The following GK variants were observed in gnomAD, a reference collection of about 807,000 sequenced individuals.
GK encodes the protein glycerol kinase, also known as ATP:glycerol 3-phosphotransferase.
A neutral mutation model predicts 56.4 loss-of-function variants in GK; 9 were observed. The ratio of observed to expected loss-of-function variants is 0.16; its 90% CI spans 0.10 to 0.28. GK has a LOEUF of 0.28. Ranked by LOEUF, GK falls within the 10% of genes least tolerant of loss-of-function variation. The pLI is 1.00. For missense variants in GK, 161 were observed against 431.4 expected, an observed-to-expected ratio of 0.37 and a Z score of 5.55; for synonymous variants, 104 against 144.1, an observed-to-expected ratio of 0.72 and a Z score of 1.99.
At position 30,694,536 on chromosome X, in the gene GK, G is replaced by T; in HGVS notation, c.551G>T (p.Trp184Leu). Reference sequence around the variant, plus strand: ...GGGACTATTGATTCATGGCTTATTTGGGTATGTTTAAATATAATGGATATA... The same window carrying T: ...GGGACTATTGATTCATGGCTTATTTTGGTATGTTTAAATATAATGGATATA... The part of the protein sequence containing the change: ...LFGTIDSWLI[W>L]SLTGGVNGGV... The change falls in exon 6 of 21, where the codon TGG becomes TTG. Residue 184 changes from tryptophan to leucine, a missense_variant and splice_region_variant. Trp to Leu is a moderately conservative substitution (Grantham distance 61). Transcript: ENST00000427190. 1 of 1,200,924 alleles carries T rather than the reference G, an allele frequency of 8.3e-7. No individual in the cohort carries two copies. Among genetic ancestry groups the T allele is most frequent in the Non-Finnish European group, 1.1e-6 (1 of 885,907 alleles).
At chrX:30,671,231 C>T (rs1933470768) in intron 3 of GK, among the ~76,000 whole-genome samples, 2 of 95,844 alleles carry the variant, frequency 2.1e-5, no homozygotes, top group Admixed American at 1.3e-4. Context: ...GCAGAAGTTG[C>T]AGTGAGCCGA....
intron 5 of GK, among the ~76,000 whole-genome samples, chrX:30,692,197 C>A (rs1177120344): frequency 9.0e-6 from 1 of 111,065 alleles, no homozygotes; most frequent in African/African-American, 3.3e-5. Flanking sequence ...ACCATTCCGT[C>A]CCCCCACAAT....
In GK at chrX:30,714,670, G is replaced by A. The variant is rs777117346; in HGVS notation, c.976-3868G>A. Among the ~76,000 whole-genome samples the A allele has an allele frequency of 4.5e-5, 5 of 111,937 alleles. No homozygotes were observed. The East Asian group carries it at 1.4e-3, about 31-fold the overall frequency. ...TATCCCATCACTTTTGACATGTACTGTTGGGTAGAAGAAAGTCACAGATAT... is the reference window on the plus strand; with the variant it reads ...TATCCCATCACTTTTGACATGTACTATTGGGTAGAAGAAAGTCACAGATAT... On this transcript the variant is annotated intron_variant, in intron 13 of 20. Coordinates refer to ENST00000427190, the MANE Select transcript of GK (RefSeq NM_001205019.2).
intron 3 of GK, among the ~76,000 whole-genome samples, chrX:30,668,826 A>C (rs1308979442): frequency 9.0e-6 from 1 of 111,594 alleles, no homozygotes; most frequent in African/African-American, 3.3e-5. Flanking sequence ...AAGTGTGGAC[A>C]CAGGGAGACT....
At chrX:30,692,657 T>C (rs1409714166) in intron 5 of GK, among the ~76,000 whole-genome samples, 1 of 110,361 alleles carries the variant, frequency 9.1e-6, no homozygotes, top group Non-Finnish European at 1.9e-5. Flanking sequence ...TTTTATTCTA[T>C]TTTTAGTGGC....
At chrX:30,691,096 T>C (rs367923891) in intron 4 of GK, 27 bp from the exon 5 acceptor site, 50 of 858,445 alleles carry the variant, frequency 5.8e-5, no homozygotes, top group Non-Finnish European at 6.0e-5. Context: ...AAGTTTTTCA[T>C]GTATATTATT....
chrX:30,696,704 C>A (rs750677895), intron 8 of GK, 21 bp downstream of exon 8: 1 of 1,095,523 alleles, frequency 9.1e-7, no homozygotes, highest in Non-Finnish European at 1.3e-6. Context: ...AACAAACAAA[C>A]AAAAAACACA....
chrX:30,671,530 TA>T (rs1040536851), intron 3 of GK: 1 of 111,911 alleles, frequency 8.9e-6, no homozygotes, highest in Non-Finnish European at 1.9e-5. Context: ...GCAAGTAAAT[TA>T]ACTTTGCCAA....
intron 4 of GK, among the ~76,000 whole-genome samples, chrX:30,686,553 ATTTT>A (rs1257386318): frequency 3.6e-5 from 4 of 111,059 alleles, no homozygotes; most frequent in Non-Finnish European, 7.6e-5. Context: ...TTTTTACTTT[ATTTT>A]GTTTTTCCTT....
At chrX:30,726,567 G>A (rs776421563) in intron 19 of GK, among the ~76,000 whole-genome samples, 4 of 111,859 alleles carry the variant, frequency 3.6e-5, no homozygotes, top group African/African-American at 1.3e-4. Context: ...GATTACAGGC[G>A]TGAGCCACTG....
intron 11 of GK, among the ~76,000 whole-genome samples, chrX:30,703,545 T>A (rs1935806125): frequency 9.0e-6 from 1 of 111,643 alleles, no homozygotes; most frequent in Non-Finnish European, 1.9e-5. Context: ...GACCCTGTGG[T>A]TAGGCTTAGC....
intron 7 of GK, 127 bp downstream of exon 7, chrX:30,696,278 A>G (rs1465706971): frequency 6.0e-6 from 3 of 502,955 alleles, no homozygotes; most frequent in Non-Finnish European, 1.1e-5. Context: ...TACAATATGC[A>G]AATCTATGTT....
At chrX:30,714,499 C>T (rs147914130) in intron 13 of GK, among the ~76,000 whole-genome samples, 1 of 112,086 alleles carries the variant, frequency 8.9e-6, no homozygotes, top group African/African-American at 3.2e-5. Flanking sequence ...AGGCCACCCT[C>T]AGCTCCTAGG....
intron 6 of GK, 74 bp downstream of exon 6, chrX:30,694,611 T>C: frequency 1.2e-6 from 1 of 869,006 alleles, no homozygotes. Flanking sequence ...CTATTGTTTC[T>C]ACTAGCAGGT....
chrX:30,731,415 C>CT lies in GK; in HGVS notation c.*2674dup, dbSNP rs2061518536. 1 of 111,634 alleles carries CT rather than the reference C, an allele frequency of 9.0e-6. No individual in the cohort carries two copies. Among genetic ancestry groups the CT allele is most frequent in the Admixed American group, 9.6e-5 (1 of 10,451 alleles). The allele number at this position is 111,634 out of a possible 1,213,427, so 9.2% of individuals were successfully genotyped here. On this transcript the variant is annotated 3_prime_UTR_variant, in exon 21 of 21. Coordinates refer to ENST00000427190, the MANE Select transcript of GK (RefSeq NM_001205019.2). ...TTCCTTGATCCTTTGCTTTTGCAAC[C>CT]TAACAACTTTAATAATAAGTTCACA...
In GK at chrX:30,686,125, T is replaced by C. The variant is rs147791152; in HGVS notation, c.338-4998T>C. ...TTTATACCCAAGAGCTGAAATTGGC[T>C]TCAGCCCCCGCCTTTTGGCATATAT... On this transcript the variant is annotated intron_variant, in intron 4 of 20. Transcript: ENST00000427190. Among the ~76,000 whole-genome samples the C allele has an allele frequency of 7.2e-3, 813 of 112,775 alleles. 8 individuals carry two copies. The highest frequency in any genetic ancestry group is 0.025 in the African/African-American group (777 of 31,090).
chrX:30,695,187 C>T, intron 6 of GK: 1 of 903,783 alleles, frequency 1.1e-6, no homozygotes, highest in Non-Finnish European at 1.4e-6. Flanking sequence ...GAAATATTGT[C>T]CCCACTCTCA....
At chrX:30,696,576 A>G (rs1935249431) in intron 7 of GK, 41 bp from the exon 8 acceptor site, 1 of 937,049 alleles carries the variant, frequency 1.1e-6, no homozygotes, top group African/African-American at 1.9e-5. Context: ...CTAGATGTCT[A>G]TTTAAAACAG....
Position 30,731,448 on chromosome X carries a change from C to A in GK, c.*2706C>A, listed in dbSNP as rs1937328168. The stretch of plus-strand genomic sequence containing the variant: ...TTTAATAATAAGTTCACACAATAAA[C>A]AAATTAGTAGAAAACTGAGTGAATT... On this transcript the variant is annotated 3_prime_UTR_variant, in exon 21 of 21. Transcript: ENST00000427190. 8.9e-6 allele frequency: 1 copy of A among 111,894 alleles called. No individual in the cohort carries two copies. The highest frequency in any genetic ancestry group is 1.9e-5 in the Non-Finnish European group (1 of 53,189). The allele number at this position is 111,894 out of a possible 1,213,427, so 9.2% of individuals were successfully genotyped here. A position where few individuals can be genotyped will look rare whatever the true frequency, so the allele number is the denominator to read the frequency against.
Sources: gnomAD v4.1 joint callset for allele counts (sites outside exome capture counted in the v4.1 genomes callset) on GRCh38, gnomAD v4.1.1 for gene constraint, MANE v1.5 for transcripts, NCBI Gene and HGNC (gene_info 2026-07-23, HGNC 2026-07-21) for gene names.